The following AAMDC variants were observed in gnomAD, a reference collection of about 807,000 sequenced individuals.
The protein encoded by AAMDC is mth938 domain-containing protein.
AAMDC carries 16 observed loss-of-function variants against 15.5 expected under a neutral mutation model. The observed-to-expected ratio is 1.03, with a 90% CI of 0.70 to 1.57. AAMDC has a LOEUF of 1.57. AAMDC is among the 40% of genes most tolerant of loss of function. The pLI is 0.00. For synonymous variants in AAMDC, 51 were observed against 51.6 expected, an observed-to-expected ratio of 0.99 and a Z score of 0.05; for missense variants, 141 against 144.9, an observed-to-expected ratio of 0.97 and a Z score of 0.14.
At chr11:77,856,117 C>CA (rs1052682815) in intron 2 of AAMDC, among the ~76,000 whole-genome samples, 5 of 151,426 alleles carry the variant, frequency 3.3e-5, no homozygotes, top group East Asian at 1.9e-4. Flanking sequence ...CACTCTGTCT[C>CA]AAAAAAAAGA....
intron 3 of AAMDC, among the ~76,000 whole-genome samples, chr11:77,905,756 T>G (rs774233819): frequency 6.6e-6 from 1 of 152,240 alleles, no homozygotes; most frequent in South Asian, 2.1e-4. Flanking sequence ...GGGCACAGTA[T>G]TTCAGATGAC....
chr11:77,857,144 G>A (rs1950654649), intron 2 of AAMDC, among the ~76,000 whole-genome samples: 1 of 152,186 alleles, frequency 6.6e-6, no homozygotes. Flanking sequence ...CTGCCTTCAA[G>A]AAGCTCTATA....
At chr11:77,868,487 T>C (rs1951234518) in intron 2 of AAMDC, among the ~76,000 whole-genome samples, 1 of 150,538 alleles carries the variant, frequency 6.6e-6, no homozygotes, top group Non-Finnish European at 1.5e-5. Flanking sequence ...GCCTCCCGAA[T>C]AGCTGGGACT....
rs555131323 is a variant in AAMDC at position 77,845,582 on chromosome 11, C to T, written c.132+2954C>T. 1.4e-3 allele frequency among the ~76,000 whole-genome samples: 206 copies of T among 152,158 alleles called. 1 individual carries two copies. Among genetic ancestry groups the T allele is most frequent in the African/African-American group, 3.3e-3 (137 of 41,520 alleles). On this transcript the variant is annotated intron_variant, in intron 2 of 3. Transcript: ENST00000393427. ...TGTAGCTGGGATTACAGGTGCACCCCACCATGTCCAGCTCTTTTTGTATTT... is the reference window on the plus strand; with the variant it reads ...TGTAGCTGGGATTACAGGTGCACCCTACCATGTCCAGCTCTTTTTGTATTT...
intron 1 of AAMDC, among the ~76,000 whole-genome samples, chr11:77,836,452 C>T (rs900347144): frequency 6.6e-5 from 10 of 152,062 alleles, no homozygotes; most frequent in African/African-American, 2.4e-4. Flanking sequence ...CATTTCCAAG[C>T]CAAAAAGGCC....
chr11:77,869,688 C>T, intron 2 of AAMDC, 34 bp from the exon 3 acceptor site: 1 of 1,578,404 alleles, frequency 6.3e-7, no homozygotes, highest in Non-Finnish European at 8.7e-7. Flanking sequence ...AGATTGAGAG[C>T]AGGTACCTGT....
chr11:77,876,330 G>A (rs1011034535), downstream of AAMDC, among the ~76,000 whole-genome samples: 3 of 151,840 alleles, frequency 2.0e-5, no homozygotes, highest in Admixed American at 6.6e-5. Context: ...CTGGGCCTGC[G>A]TATTCATTTG....
At chr11:77,837,072 A>G (rs887625995) in intron 1 of AAMDC, among the ~76,000 whole-genome samples, 13 of 152,252 alleles carry the variant, frequency 8.5e-5, no homozygotes, top group African/African-American at 3.1e-4. Flanking sequence ...TCTTCCTTCC[A>G]TAGCACCCAT....
At chr11:77,870,493 C>T (rs907208387) in intron 3 of AAMDC, among the ~76,000 whole-genome samples, 1 of 151,628 alleles carries the variant, frequency 6.6e-6, no homozygotes, top group African/African-American at 2.4e-5. Flanking sequence ...CCCACCACCA[C>T]GCCTGGCTAA....
At chr11:77,853,567 T>C (rs1030435553) in intron 2 of AAMDC, among the ~76,000 whole-genome samples, 4 of 152,180 alleles carry the variant, frequency 2.6e-5, no homozygotes, top group South Asian at 2.1e-4. Context: ...TAATTCGATA[T>C]GAGATTTGGT....
At chr11:77,832,518 G>A (rs182283245) in intron 1 of AAMDC, among the ~76,000 whole-genome samples, 10 of 151,924 alleles carry the variant, frequency 6.6e-5, no homozygotes, top group African/African-American at 2.4e-5. Flanking sequence ...CAGAGGCAGG[G>A]TTTCTCCATG....
downstream of AAMDC, among the ~76,000 whole-genome samples, chr11:77,905,600 C>T (rs1238018626): frequency 6.6e-6 from 1 of 152,146 alleles, no homozygotes; most frequent in Non-Finnish European, 1.5e-5. Flanking sequence ...AATGTTGAAA[C>T]TTCCTCGATA....
rs533375798 is a variant in AAMDC, at chr11:77,869,002, A to G, written c.133-720A>G. 8.1e-4 allele frequency: 266 copies of G among 327,670 alleles called. 1 individual carries two copies. The highest frequency in any genetic ancestry group is 3.3e-3 in the African/African-American group (150 of 45,316). The allele number at this position is 327,670 out of a possible 1,614,324, so 20.3% of individuals were successfully genotyped here. On this transcript the variant is annotated intron_variant, in intron 2 of 3. Transcript: ENST00000393427. ...AACAGCACGTTGGGTAATACCGTAG[A>G]CTCTTCCAGTTTTGCCATGGTAACA...
intron 2 of AAMDC, among the ~76,000 whole-genome samples, chr11:77,846,606 T>C (rs1950157915): frequency 6.6e-6 from 1 of 152,182 alleles, no homozygotes; most frequent in Non-Finnish European, 1.5e-5. Flanking sequence ...CTTGGGAGGC[T>C]GAGGCAGGAG....
chr11:77,891,948 AGAG>A (rs1952288729), intron 5 of AAMDC: 1 of 1,557,294 alleles, frequency 6.4e-7, no homozygotes, highest in East Asian at 2.3e-5. Flanking sequence ...TGATGAAGTG[AGAG>A]GAGCTTGCAG....
intron 3 of AAMDC, 176 bp downstream of exon 3, chr11:77,869,993 G>C (rs944056776): frequency 1.7e-5 from 9 of 527,254 alleles, no homozygotes; most frequent in Admixed American, 3.3e-5. Flanking sequence ...GGGCTCTCCA[G>C]TCTACCTAAC....
chr11:77,889,361 A>G (rs1952160379), intron 5 of AAMDC, among the ~76,000 whole-genome samples: 1 of 141,012 alleles, frequency 7.1e-6, no homozygotes, highest in African/African-American at 2.6e-5. Context: ...ACACATGGAC[A>G]CAGGAAGGGG....
chr11:77,884,939 T>C (rs991334044), intron 5 of AAMDC: 2 of 226,314 alleles, frequency 8.8e-6, no homozygotes, highest in Non-Finnish European at 1.9e-5. Context: ...TTAAATTTTT[T>C]TGTAGAGACA....
chr11:77,842,432 C>T (rs1325005928), intron 1 of AAMDC, 47 bp from the exon 2 acceptor site: 4 of 1,560,048 alleles, frequency 2.6e-6, no homozygotes, highest in African/African-American at 2.7e-5. Flanking sequence ...CAAACTGTTT[C>T]AGCCTTACTT....
Sources: gnomAD v4.1 joint callset for allele counts (sites outside exome capture counted in the v4.1 genomes callset) on GRCh38, gnomAD v4.1.1 for gene constraint, MANE v1.5 for transcripts, NCBI Gene and HGNC (gene_info 2026-07-23, HGNC 2026-07-21) for gene names.